Variants in BRI3BP observed in about 807,000 individuals in gnomAD.
BRI3BP encodes the protein BRI3-binding protein.
A neutral mutation model predicts 15.8 loss-of-function variants in BRI3BP; 7 were observed. That is an observed-to-expected ratio of 0.44 (90% CI 0.25 to 0.83). The LOEUF is 0.83. BRI3BP is among the 40% of genes least tolerant of loss of function. BRI3BP has a pLI of 0.20. For synonymous variants in BRI3BP, 192 were observed against 163.5 expected (o/e 1.17, Z -1.33); for missense variants, 320 against 339.3 (o/e 0.94, Z 0.45).
At chr12:125,011,339 G>A (rs1336372257) in intron 1 of BRI3BP, among the ~76,000 whole-genome samples, 4 of 152,266 alleles carry the variant, frequency 2.6e-5, no homozygotes, top group African/African-American at 9.6e-5. Flanking sequence ...AATCCCCTGG[G>A]CCAGTAGACC....
At chr12:125,000,359 G>C (rs1264810021) in intron 1 of BRI3BP, among the ~76,000 whole-genome samples, 15 of 144,348 alleles carry the variant, frequency 1.0e-4, no homozygotes, top group African/African-American at 3.9e-4. Flanking sequence ...TGCCACCCAG[G>C]CTGGAGTGCA....
At chr12:125,048,681 C>A in the BRI3BP span, among the ~76,000 whole-genome samples, 1 of 150,914 alleles carries the variant, frequency 6.6e-6, no homozygotes, top group Non-Finnish European at 1.5e-5. Flanking sequence ...GCACATGTAC[C>A]CTAAAACTTA....
chr12:125,001,521 A>G (rs1428612484), intron 1 of BRI3BP, among the ~76,000 whole-genome samples: 3 of 151,694 alleles, frequency 2.0e-5, no homozygotes, highest in East Asian at 3.9e-4. Context: ...CACCATGCCT[A>G]TTTATTTATT....
At chr12:125,015,037 G>C (rs888979476) in intron 2 of BRI3BP, among the ~76,000 whole-genome samples, 10 of 152,314 alleles carry the variant, frequency 6.6e-5, no homozygotes, top group Non-Finnish European at 1.5e-4. Context: ...AAAGTGCTGA[G>C]ATTGTAGGCG....
At chr12:125,020,009 G>T (rs1955283138) in intron 2 of BRI3BP, among the ~76,000 whole-genome samples, 1 of 144,866 alleles carries the variant, frequency 6.9e-6, no homozygotes, top group Non-Finnish European at 1.5e-5. Flanking sequence ...GCCCAGGCTG[G>T]AGTGCAGTGG....
At chr12:125,023,003 G>C (rs1329207511) in intron 2 of BRI3BP, among the ~76,000 whole-genome samples, 1 of 152,106 alleles carries the variant, frequency 6.6e-6, no homozygotes, top group Non-Finnish European at 1.5e-5. Context: ...GGTTTCAAAA[G>C]GAATATTCTA....
At chr12:125,006,964 C>G (rs571634920) in intron 1 of BRI3BP, among the ~76,000 whole-genome samples, 1 of 151,912 alleles carries the variant, frequency 6.6e-6, no homozygotes, top group African/African-American at 2.4e-5. Flanking sequence ...TTTGGGAGGT[C>G]AAGGTGGGTG....
Position 125,016,825 on chromosome 12 carries a change from C to CTTTTTTT in BRI3BP, c.316+4210_316+4216dup, listed in dbSNP as rs58016016. ...ACGGGCATGAGCCACTGCGCCCAGC[C>CTTTTTTT]TTTTTTTTTTTTTTTTTTTTTTTTT... On this transcript the variant is annotated intron_variant, in intron 2 of 2. Transcript: ENST00000341446. Among the ~76,000 whole-genome samples the CTTTTTTT allele has an allele frequency of 2.6e-3, 103 of 39,804 alleles. 11 individuals carry two copies. The highest frequency in any genetic ancestry group is 9.5e-3 in the African/African-American group (97 of 10,226). The allele number at this position is 39,804 out of a possible 152,430, so 26.1% of individuals were successfully genotyped here.
At chr12:124,997,214 C>CTTT (rs1229802280) in intron 1 of BRI3BP, among the ~76,000 whole-genome samples, 1,800 of 51,444 alleles carry the variant, frequency 0.035, 333 homozygotes, top group Middle Eastern at 0.093. Flanking sequence ...CTTTACTTCT[C>CTTT]TTTTTTTTTT....
Position 125,025,118 on chromosome 12 carries a change from C to T in BRI3BP, c.444C>T (p.Ser148=), listed in dbSNP as rs766416629. 6.2e-7 allele frequency: 1 copy of T among 1,613,914 alleles called. No individual in the cohort carries two copies. Residue 148 remains serine (S), a synonymous_variant, in exon 3 of 3, where the codon AGC becomes AGT. Coordinates refer to ENST00000341446, the MANE Select transcript of BRI3BP (RefSeq NM_080626.6). The part of the protein sequence containing the change: ...FLSLTLGFTF[S]VLHVVFGRFF... ...CCCTGACCCTGGGCTTCACTTTCAG[C>T]GTCCTGCACGTGGTGTTCGGCCGCT... is the stretch of plus-strand genomic sequence containing the variant.
chr12:125,029,193 C>T lies in BRI3BP; in HGVS notation c.*3763C>T, dbSNP rs1225831000. The T allele has an allele frequency of 2.0e-5, 3 of 151,896 alleles. No homozygotes were observed. The highest frequency in any genetic ancestry group is 7.3e-5 in the African/African-American group (3 of 41,358). 9.4% of individuals were successfully genotyped at this position (151,896 alleles called of 1,614,324 possible). On this transcript the variant is annotated 3_prime_UTR_variant, in exon 3 of 3. Coordinates refer to ENST00000341446, the MANE Select transcript of BRI3BP (RefSeq NM_080626.6). ...CTTCCTTGACACCCTAGCAAAGATG[C>T]TTTTGTGGAGTGCAAACCTTTCATA...
intron 1 of BRI3BP, among the ~76,000 whole-genome samples, chr12:125,010,404 C>T (rs1009566972): frequency 6.6e-6 from 1 of 152,160 alleles, no homozygotes; most frequent in African/African-American, 2.4e-5. Context: ...TTGGCATTTT[C>T]TACTCTCCTG....
intron 2 of BRI3BP, among the ~76,000 whole-genome samples, chr12:125,018,397 A>T (rs778180340): frequency 5.3e-5 from 8 of 152,196 alleles, no homozygotes; most frequent in Admixed American, 2.0e-4. Flanking sequence ...ATGAGGTCAT[A>T]CTGGAGTAGG....
At chr12:125,014,981 G>T (rs1955230689) in intron 2 of BRI3BP, among the ~76,000 whole-genome samples, 1 of 152,168 alleles carries the variant, frequency 6.6e-6, no homozygotes, top group Non-Finnish European at 1.5e-5. Flanking sequence ...TGCCCAGGCT[G>T]GTCTCAAACT....
chr12:125,000,845 C>T (rs1165526817), intron 1 of BRI3BP, among the ~76,000 whole-genome samples: 4 of 152,034 alleles, frequency 2.6e-5, no homozygotes, highest in Non-Finnish European at 5.9e-5. Context: ...ATACTTTTTC[C>T]TACAGAACCA....
chr12:125,006,783 T>G (rs1307000495), intron 1 of BRI3BP, among the ~76,000 whole-genome samples: 1 of 152,224 alleles, frequency 6.6e-6, no homozygotes, highest in Non-Finnish European at 1.5e-5. Context: ...GGAAAGTCTC[T>G]TCCTCCCAGA....
At chr12:125,002,358 A>G (rs975894709) in intron 1 of BRI3BP, among the ~76,000 whole-genome samples, 2 of 151,882 alleles carry the variant, frequency 1.3e-5, no homozygotes, top group Non-Finnish European at 2.9e-5. Context: ...CATCCTTGTC[A>G]GCACTTGCTA....
downstream of BRI3BP, among the ~76,000 whole-genome samples, chr12:125,033,700 A>G (rs1955422083): frequency 6.7e-6 from 1 of 149,502 alleles, no homozygotes; most frequent in Admixed American, 6.7e-5. Flanking sequence ...TTACACTCCT[A>G]TTTCTAACCA....
At chr12:125,019,637 T>TTTTTTTG (rs1955277066) in intron 2 of BRI3BP, among the ~76,000 whole-genome samples, 1 of 47,574 alleles carries the variant, frequency 2.1e-5, no homozygotes, top group African/African-American at 5.3e-5. Flanking sequence ...ATTCCACCCT[T>TTTTTTTG]TTTTTTTTTT....
Sources: allele counts gnomAD v4.1 joint callset (sites outside exome capture counted in the v4.1 genomes callset), GRCh38; gene constraint gnomAD v4.1.1; transcripts MANE v1.5; gene names NCBI Gene and HGNC (gene_info 2026-07-23, HGNC 2026-07-21).